NRG1: variants seen among roughly 807,000 people sequenced by gnomAD.
NRG1 encodes neuregulin 1, also known as pro-neuregulin-1, membrane-bound isoform.
In NRG1, 18 loss-of-function variants were observed where a neutral mutation model predicts 63.8. That is an observed-to-expected ratio of 0.28 (90% CI 0.19 to 0.42). NRG1 has a LOEUF of 0.42. Among genes scored for constraint, NRG1 ranks in the 10% least tolerant of loss-of-function variants. The probability of loss-of-function intolerance (pLI) is 1.00; values close to 1 mark genes in which losing one functional copy is unlikely to be tolerated. For synonymous variants in NRG1, 302 were observed against 301.3 expected (o/e 1.00, Z -0.02); for missense variants, 762 against 814.7 (o/e 0.94, Z 0.79).
At chr8:32,096,360 A>C (rs1829905787) in intron 1 of NRG1, among the ~76,000 whole-genome samples, 1 of 152,238 alleles carries the variant, frequency 6.6e-6, no homozygotes. Context: ...TACACATACA[A>C]TGTGTAATGA....
chr8:31,935,370 G>A (rs571989210), intron 1 of NRG1, among the ~76,000 whole-genome samples: 261 of 152,208 alleles, frequency 1.7e-3, no homozygotes, highest in African/African-American at 5.5e-3. Context: ...TGGTCCTCCC[G>A]CCTCAGCCTC....
chr8:31,801,299 G>A (rs911419159), intron 1 of NRG1, among the ~76,000 whole-genome samples: 4 of 152,100 alleles, frequency 2.6e-5, no homozygotes, highest in Non-Finnish European at 5.9e-5. Context: ...ATGGTGTTTT[G>A]TTTCTATTGA....
intron 1 of NRG1, among the ~76,000 whole-genome samples, chr8:32,569,719 T>A (rs974150594): frequency 1.4e-5 from 2 of 146,586 alleles, no homozygotes; most frequent in African/African-American, 4.9e-5. Context: ...CACCATTTTT[T>A]AAATAAAATT....
intron 1 of NRG1, among the ~76,000 whole-genome samples, chr8:32,497,802 A>T (rs1360985366): frequency 6.6e-6 from 1 of 152,180 alleles, no homozygotes; most frequent in Non-Finnish European, 1.5e-5. Flanking sequence ...TAAGAGGCAC[A>T]CAATTTTATT....
At chr8:32,743,596 A>ATATATATATAT (rs58229077) in intron 7 of NRG1, among the ~76,000 whole-genome samples, 25 of 143,850 alleles carry the variant, frequency 1.7e-4, no homozygotes, top group East Asian at 4.1e-4. Flanking sequence ...ATATATATAT[A>ATATATATATAT]AAACTTAATA....
intron 5 of NRG1, among the ~76,000 whole-genome samples, chr8:32,724,489 T>G (rs1268676443): frequency 6.6e-6 from 1 of 152,054 alleles, no homozygotes; most frequent in Non-Finnish European, 1.5e-5. Flanking sequence ...AATTACCAAA[T>G]GGAAACTGAT....
chr8:32,624,692 C>T (rs972970559), intron 5 of NRG1, among the ~76,000 whole-genome samples: 1 of 152,070 alleles, frequency 6.6e-6, no homozygotes, highest in Non-Finnish European at 1.5e-5. Context: ...ACAGTGCCCT[C>T]TTTTTAACCC....
intron 1 of NRG1, among the ~76,000 whole-genome samples, chr8:32,004,216 A>T (rs1356346943): frequency 6.6e-6 from 1 of 151,912 alleles, no homozygotes; most frequent in Non-Finnish European, 1.5e-5. Flanking sequence ...GTTGTCAAGG[A>T]TTCAGGGACT....
intron 1 of NRG1, among the ~76,000 whole-genome samples, chr8:31,854,894 T>G (rs1371509788): frequency 1.3e-5 from 2 of 152,238 alleles, no homozygotes; most frequent in African/African-American, 4.8e-5. Context: ...AGGAGCAGGT[T>G]GTTCAGTTTC....
intron 5 of NRG1, among the ~76,000 whole-genome samples, chr8:32,670,058 C>G (rs538038561): frequency 6.6e-6 from 1 of 152,238 alleles, no homozygotes; most frequent in East Asian, 1.9e-4. Flanking sequence ...TGTCCAAACA[C>G]CTGGAATTTT....
intron 5 of NRG1, among the ~76,000 whole-genome samples, chr8:32,626,029 A>C (rs1563797243): frequency 6.6e-6 from 1 of 151,756 alleles, no homozygotes. Flanking sequence ...CCTGACCTCA[A>C]GTGATCTGCC....
chr8:32,757,343 A>G (rs1829864103), intron 9 of NRG1, among the ~76,000 whole-genome samples: 1 of 151,816 alleles, frequency 6.6e-6, no homozygotes, highest in Non-Finnish European at 1.5e-5. Flanking sequence ...CATCCTTCTT[A>G]TTTTCAAATT....
chr8:31,691,310 A>G (rs1476744404), intron 1 of NRG1, among the ~76,000 whole-genome samples: 2 of 152,208 alleles, frequency 1.3e-5, no homozygotes, highest in Non-Finnish European at 2.9e-5. Flanking sequence ...GGAAATTAAC[A>G]TAAAAGTAGA....
chr8:32,028,084 C>G (rs1276608123), intron 1 of NRG1, among the ~76,000 whole-genome samples: 1 of 152,144 alleles, frequency 6.6e-6, no homozygotes, highest in African/African-American at 2.4e-5. Flanking sequence ...GTTTGTCTAA[C>G]ATTTTAAAAA....
Position 31,705,641 on chromosome 8 carries a change from A to G in NRG1, c.37+66210A>G, listed in dbSNP as rs1409604627. Among the ~76,000 whole-genome samples the G allele has an allele frequency of 3.3e-5, 5 of 152,158 alleles. No individual in the cohort carries two copies. In the East Asian group the frequency reaches 9.6e-4, roughly 29 times the overall value. On this transcript the variant is annotated intron_variant, in intron 1 of 10. Coordinates refer to the NRG1 transcript ENST00000519301. ...GCCCCACTGTTTCTCTGCTGAGAGA[A>G]CTTTTTTTCCTCTCTGTTCTGCATT...
At chr8:32,398,274 C>T (rs2129484421) in intron 1 of NRG1, among the ~76,000 whole-genome samples, 1 of 152,286 alleles carries the variant, frequency 6.6e-6, no homozygotes, top group African/African-American at 2.4e-5. Flanking sequence ...TTCCACGGCT[C>T]ATAGCTTACA....
intron 1 of NRG1, among the ~76,000 whole-genome samples, chr8:32,480,994 C>T (rs1349681988): frequency 6.6e-6 from 1 of 152,160 alleles, no homozygotes; most frequent in Non-Finnish European, 1.5e-5. Context: ...ATATGCATCA[C>T]ATTGTGCCCT....
At chr8:32,736,995 G>C (rs1195367855) in intron 6 of NRG1, among the ~76,000 whole-genome samples, 5 of 152,052 alleles carry the variant, frequency 3.3e-5, no homozygotes, top group Non-Finnish European at 7.4e-5. Context: ...TACATAGTAA[G>C]CATATCAGGA....
intron 5 of NRG1, among the ~76,000 whole-genome samples, chr8:32,715,882 TCTGC>T (rs1463294040): frequency 6.6e-6 from 1 of 152,196 alleles, no homozygotes; most frequent in Non-Finnish European, 1.5e-5. Flanking sequence ...AACCTTGTGA[TCTGC>T]CTGCCTTGGC....
Sources: gnomAD v4.1 joint callset for allele counts (sites outside exome capture counted in the v4.1 genomes callset) on GRCh38, gnomAD v4.1.1 for gene constraint, MANE v1.5 for transcripts, NCBI Gene and HGNC (gene_info 2026-07-23, HGNC 2026-07-21) for gene names.